Variants in PRKG1 observed in about 807,000 individuals in gnomAD.
PRKG1 encodes cGMP-dependent protein kinase 1.
In PRKG1, 35 loss-of-function variants were observed where a neutral mutation model predicts 88.1. The observed-to-expected ratio is 0.40, with a 90% confidence interval of 0.30 to 0.53. The LOEUF is 0.53. PRKG1 is among the 20% of genes least tolerant of loss of function. PRKG1 has a pLI of 0.59. For synonymous variants in PRKG1, 303 were observed against 292.5 expected (o/e 1.04, Z -0.37); for missense variants, 540 against 839.8 (o/e 0.64, Z 4.41).
chr10:51,340,703 CTT>C (rs754186073), intron 2 of PRKG1, among the ~76,000 whole-genome samples: 7 of 152,138 alleles, frequency 4.6e-5, no homozygotes, highest in Non-Finnish European at 8.8e-5. Context: ...GAACACCTAA[CTT>C]AATGCATTCA....
chr10:51,495,347 G>C (rs563681417), intron 3 of PRKG1, among the ~76,000 whole-genome samples: 1 of 152,112 alleles, frequency 6.6e-6, no homozygotes, highest in African/African-American at 2.4e-5. Context: ...TGCCCGCCTC[G>C]GCCTCCCAAA....
chr10:51,860,298 T>G (rs1840839096), intron 4 of PRKG1, among the ~76,000 whole-genome samples: 1 of 152,214 alleles, frequency 6.6e-6, no homozygotes, highest in Admixed American at 6.5e-5. Context: ...CAATTGTGTT[T>G]CTTTGCTTCA....
chr10:51,388,657 G>C (rs1452161377), intron 2 of PRKG1, among the ~76,000 whole-genome samples: 1 of 152,180 alleles, frequency 6.6e-6, no homozygotes. Flanking sequence ...ACTCAACGAT[G>C]CCTCTAGATT....
intron 3 of PRKG1, among the ~76,000 whole-genome samples, chr10:51,521,768 G>A (rs1841742156): frequency 6.6e-6 from 1 of 152,174 alleles, no homozygotes; most frequent in Non-Finnish European, 1.5e-5. Context: ...AAGAAGAATT[G>A]TCTATAAATA....
chr10:51,005,773 C>G (rs1001076582), intron 1 of PRKG1, among the ~76,000 whole-genome samples: 9 of 152,196 alleles, frequency 5.9e-5, no homozygotes, highest in African/African-American at 2.2e-4. Context: ...GCTGGAAGAG[C>G]TGCTCAGAGT....
chr10:51,034,841 T>C (rs2132750770), intron 1 of PRKG1, among the ~76,000 whole-genome samples: 1 of 151,746 alleles, frequency 6.6e-6, no homozygotes, highest in East Asian at 1.9e-4. Flanking sequence ...AGACTGATAT[T>C]GGGAGTGGGA....
At chr10:51,820,967 A>G (rs1303521848) in intron 4 of PRKG1, among the ~76,000 whole-genome samples, 2 of 152,202 alleles carry the variant, frequency 1.3e-5, no homozygotes, top group African/African-American at 4.8e-5. Flanking sequence ...ACAATACAGG[A>G]CATTTCCACT....
At position 52,298,319 on chromosome 10, in the gene PRKG1, A is replaced by G. The variant is rs1042833215; in HGVS notation, c.*4419A>G. ...GCTGAGTGCCTGTTGTATACTTTAT[A>G]GAGTTGAAATAAAAAAATAATTACT... On this transcript the variant is annotated 3_prime_UTR_variant, in exon 18 of 18. Coordinates refer to ENST00000373980, the MANE Select transcript of PRKG1 (RefSeq NM_006258.4). 8 of 151,186 alleles carry G rather than the reference A, an allele frequency of 5.3e-5. No homozygotes were observed. The highest frequency in any genetic ancestry group is 1.0e-4 in the Non-Finnish European group (7 of 67,910). 9.4% of individuals were successfully genotyped at this position (151,186 alleles called of 1,614,324 possible). A position where few individuals can be genotyped will look rare whatever the true frequency, so the allele number is the denominator to read the frequency against.
rs567564618 is a variant in PRKG1, at chr10:51,441,238, C to G, written c.479-26485C>G. On this transcript the variant is annotated intron_variant, in intron 2 of 17. Coordinates refer to ENST00000373980, the MANE Select transcript of PRKG1 (RefSeq NM_006258.4). ...TTTTTTATTCTTACTTAGACCATCT[C>G]AATTTTATGTTTAGTCAGTTTTGCT... Among the ~76,000 whole-genome samples the G allele has an allele frequency of 2.6e-5, 4 of 152,014 alleles. No homozygotes were observed. The East Asian group carries it at 5.8e-4, about 22-fold the overall frequency.
At chr10:51,808,932 C>T (rs1839379422) in intron 4 of PRKG1, among the ~76,000 whole-genome samples, 1 of 152,088 alleles carries the variant, frequency 6.6e-6, no homozygotes, top group African/African-American at 2.4e-5. Context: ...CAGGAGCTGC[C>T]ACAGGCTAAA....
intron 4 of PRKG1, among the ~76,000 whole-genome samples, chr10:51,811,570 G>C (rs558601165): frequency 6.6e-6 from 1 of 152,260 alleles, no homozygotes; most frequent in East Asian, 1.9e-4. Context: ...TCAGTGAGGA[G>C]AGCTGCCTCA....
intron 3 of PRKG1, among the ~76,000 whole-genome samples, chr10:51,646,319 A>G (rs747358407): frequency 1.3e-5 from 2 of 152,154 alleles, no homozygotes; most frequent in African/African-American, 4.8e-5. Flanking sequence ...TGTTGTGAGG[A>G]TTAACTAAAA....
At position 51,934,270 on chromosome 10, in the gene PRKG1, C is replaced by T. The variant is rs577419670; in HGVS notation, c.762+26700C>T. ...CACACACATACCCCCCCCCCAACAC[C>T]GCCCACACACACGCACAGATTTTTC... is the stretch of plus-strand genomic sequence containing the variant. On this transcript the variant is annotated intron_variant, in intron 5 of 17. Coordinates refer to ENST00000373980, the MANE Select transcript of PRKG1 (RefSeq NM_006258.4). Among the ~76,000 whole-genome samples, 28 of 150,110 alleles carry T rather than the reference C, an allele frequency of 1.9e-4. No individual in the cohort carries two copies. In the South Asian group the frequency reaches 2.8e-3, roughly 15 times the overall value.
At chr10:51,220,253 A>G (rs1352733425) in intron 2 of PRKG1, among the ~76,000 whole-genome samples, 1 of 152,194 alleles carries the variant, frequency 6.6e-6, no homozygotes, top group Non-Finnish European at 1.5e-5. Context: ...CAACAGCCTG[A>G]AAGAGCTTAG....
At chr10:51,037,067 A>G (rs1160943426) in intron 1 of PRKG1, among the ~76,000 whole-genome samples, 1 of 152,222 alleles carries the variant, frequency 6.6e-6, no homozygotes, top group African/African-American at 2.4e-5. Flanking sequence ...AGTGGAAAAT[A>G]AAAACACTCA....
intron 1 of PRKG1, among the ~76,000 whole-genome samples, chr10:51,120,131 T>G (rs1405755260): frequency 6.6e-6 from 1 of 152,146 alleles, no homozygotes; most frequent in South Asian, 2.1e-4. Context: ...TGAAAGATAG[T>G]TGTGGAACAG....
At chr10:51,492,179 T>C (rs1840723527) in intron 3 of PRKG1, among the ~76,000 whole-genome samples, 1 of 152,156 alleles carries the variant, frequency 6.6e-6, no homozygotes, top group South Asian at 2.1e-4. Flanking sequence ...TCTAAGGTAG[T>C]TTTGAGCTGG....
intron 3 of PRKG1, among the ~76,000 whole-genome samples, chr10:51,735,957 T>C (rs1410508041): frequency 1.1e-4 from 14 of 129,044 alleles, no homozygotes; most frequent in African/African-American, 3.9e-4. Flanking sequence ...TTTTTTGGAG[T>C]GCACGACTCA....
chr10:52,017,130 A>G (rs1845061163), intron 5 of PRKG1, among the ~76,000 whole-genome samples: 1 of 152,216 alleles, frequency 6.6e-6, no homozygotes, highest in South Asian at 2.1e-4. Flanking sequence ...TTTAAGAAAA[A>G]GAAAAACAAA....
Sources: allele counts gnomAD v4.1 joint callset (sites outside exome capture counted in the v4.1 genomes callset), GRCh38; gene constraint gnomAD v4.1.1; transcripts MANE v1.5; gene names NCBI Gene and HGNC (gene_info 2026-07-23, HGNC 2026-07-21).